SLC25A28: variants seen among roughly 807,000 people sequenced by gnomAD.
SLC25A28 encodes solute carrier family 25 member 28.
In SLC25A28, 10 loss-of-function variants were observed where a neutral mutation model predicts 31.9. That is an observed-to-expected ratio of 0.31 (90% CI 0.19 to 0.53). SLC25A28 has a LOEUF of 0.53. SLC25A28 is among the 20% of genes least tolerant of loss of function. The pLI is 0.95. For synonymous variants in SLC25A28, 208 were observed against 203.6 expected (o/e 1.02, Z -0.19); for missense variants, 256 against 490.3 (o/e 0.52, Z 4.51).
chr10:99,643,034 T>C, the SLC25A28 span, among the ~76,000 whole-genome samples: 4 of 152,244 alleles, frequency 2.6e-5, no homozygotes, highest in East Asian at 7.7e-4. Context: ...TCTCTTTTTT[T>C]GTTGTGTCTC....
chr10:99,623,318 C>G (rs191998398), upstream of SLC25A28, among the ~76,000 whole-genome samples: 1 of 152,338 alleles, frequency 6.6e-6, no homozygotes, highest in East Asian at 1.9e-4. Context: ...ACCTTGATTT[C>G]TGACTCAGCG....
chr10:99,648,493 A>G, the SLC25A28 span, among the ~76,000 whole-genome samples: 1 of 152,234 alleles, frequency 6.6e-6, no homozygotes, highest in Middle Eastern at 3.4e-3. Flanking sequence ...GAAAAATGAC[A>G]TTGGTAATTC....
the SLC25A28 span, among the ~76,000 whole-genome samples, chr10:99,650,152 T>A: frequency 3.9e-5 from 6 of 152,318 alleles, no homozygotes; most frequent in South Asian, 2.1e-4. Context: ...TCATTCATTT[T>A]AAAATTTTTT....
intron 1 of SLC25A28, chr10:99,616,648 G>A (rs2034663738): frequency 1.0e-6 from 1 of 985,142 alleles, no homozygotes. Context: ...TTAATCTGAA[G>A]GTCATATGTT....
the SLC25A28 span, among the ~76,000 whole-genome samples, chr10:99,631,447 T>A: frequency 4.6e-5 from 7 of 152,092 alleles, no homozygotes; most frequent in African/African-American, 1.4e-4. Flanking sequence ...TTATATTATA[T>A]CTTATTTTAA....
the SLC25A28 span, among the ~76,000 whole-genome samples, chr10:99,654,464 C>T: frequency 4.6e-5 from 7 of 152,114 alleles, no homozygotes; most frequent in South Asian, 1.2e-3. Flanking sequence ...TACACCTGGA[C>T]AGCCTGGGCA....
At chr10:99,617,065 C>T in intron 1 of SLC25A28, 1 of 985,402 alleles carries the variant, frequency 1.0e-6, no homozygotes, top group Non-Finnish European at 1.2e-6. Flanking sequence ...TGCTCTTCCC[C>T]TCTTTATTAT....
At chr10:99,618,976 G>T in intron 1 of SLC25A28, 3 of 985,378 alleles carry the variant, frequency 3.0e-6, no homozygotes, top group Non-Finnish European at 3.6e-6. Flanking sequence ...TGTAAAGGAG[G>T]CATCGGTCTT....
the SLC25A28 span, among the ~76,000 whole-genome samples, chr10:99,640,219 A>C: frequency 6.6e-6 from 1 of 152,192 alleles, no homozygotes; most frequent in Non-Finnish European, 1.5e-5. Flanking sequence ...TATTAATTAT[A>C]AGTTTCCTTG....
At chr10:99,648,286 C>T in the SLC25A28 span, among the ~76,000 whole-genome samples, 1 of 152,140 alleles carries the variant, frequency 6.6e-6, no homozygotes, top group Non-Finnish European at 1.5e-5. Flanking sequence ...CATGCACCAC[C>T]ATGCCCAGCC....
intron 1 of SLC25A28, chr10:99,615,924 C>A (rs1045592795): frequency 2.0e-6 from 2 of 985,358 alleles, no homozygotes; most frequent in Non-Finnish European, 2.4e-6. Context: ...CTCCTCACCC[C>A]CAAGAGAAAA....
rs555895743 is a variant in SLC25A28 at position 99,618,328 on chromosome 10, C to T, written c.291+1717G>A. The T allele has an allele frequency of 1.8e-4, 178 of 984,902 alleles. 3 individuals are homozygous for T. In the South Asian group the frequency reaches 6.8e-3, roughly 38 times the overall value. 61.0% of individuals were successfully genotyped at this position (984,902 alleles called of 1,614,324 possible). A position where few individuals can be genotyped will look rare whatever the true frequency, so the allele number is the denominator to read the frequency against. ...GTAATATTTCTAAGACAAATTATTACACTGTATTTTTCAAGCCATTACATA... is the reference window on the plus strand; with the variant it reads ...GTAATATTTCTAAGACAAATTATTATACTGTATTTTTCAAGCCATTACATA... On this transcript the variant is annotated intron_variant, in intron 1 of 3. Coordinates refer to ENST00000370495, the MANE Select transcript of SLC25A28 (RefSeq NM_031212.4).
upstream of SLC25A28, chr10:99,622,596 G>A: frequency 3.1e-6 from 3 of 961,074 alleles, no homozygotes; most frequent in South Asian, 4.8e-5. Flanking sequence ...TCCTATTCCC[G>A]TTTTTCTTAA....
chr10:99,615,926 A>G, intron 1 of SLC25A28: 2 of 985,442 alleles, frequency 2.0e-6, no homozygotes, highest in Non-Finnish European at 2.4e-6. Context: ...CCTCACCCCC[A>G]AGAGAAAACC....
chr10:99,646,768 A>T, the SLC25A28 span, among the ~76,000 whole-genome samples: 2 of 152,092 alleles, frequency 1.3e-5, no homozygotes, highest in Non-Finnish European at 2.9e-5. Flanking sequence ...TGTACCCATC[A>T]CCCAAATAGT....
At chr10:99,633,770 C>G in the SLC25A28 span, among the ~76,000 whole-genome samples, 1 of 152,150 alleles carries the variant, frequency 6.6e-6, no homozygotes, top group South Asian at 2.1e-4. Flanking sequence ...GGGCACCACT[C>G]GCCGCAGATT....
chr10:99,615,282 C>T (rs1005413900), intron 1 of SLC25A28, among the ~76,000 whole-genome samples: 2 of 144,790 alleles, frequency 1.4e-5, no homozygotes, highest in Non-Finnish European at 3.0e-5. Context: ...ACCTGTGAGG[C>T]GGAGGTTGTA....
chr10:99,635,385 T>G, the SLC25A28 span, among the ~76,000 whole-genome samples: 1 of 152,098 alleles, frequency 6.6e-6, no homozygotes, highest in Admixed American at 6.5e-5. Flanking sequence ...GCCGAATGGA[T>G]AAGAACTCAC....
chr10:99,649,210 T>G, the SLC25A28 span, among the ~76,000 whole-genome samples: 1 of 152,232 alleles, frequency 6.6e-6, no homozygotes, highest in Non-Finnish European at 1.5e-5. Context: ...GAAATGATCA[T>G]ATAGGTTTTT....
Sources: allele counts gnomAD v4.1 joint callset (sites outside exome capture counted in the v4.1 genomes callset), GRCh38; gene constraint gnomAD v4.1.1; transcripts MANE v1.5; gene names NCBI Gene and HGNC (gene_info 2026-07-23, HGNC 2026-07-21).